GLDC: variants seen among roughly 807,000 people sequenced by gnomAD.
GLDC encodes the protein glycine decarboxylase.
A neutral mutation model predicts 121.3 loss-of-function variants in GLDC; 104 were observed. The observed-to-expected ratio is 0.86, with a 90% CI of 0.73 to 1.01. GLDC has a LOEUF of 1.01. Among genes scored for constraint, GLDC ranks in the 50% least tolerant of loss-of-function variants. The pLI is 0.00. For synonymous variants in GLDC, 546 were observed against 480.6 expected (o/e 1.14, Z -1.78); for missense variants, 1,429 against 1,306.6 (o/e 1.09, Z -1.44).
chr9:6,582,943 T>C (rs796479336), intron 15 of GLDC, among the ~76,000 whole-genome samples: 58 of 152,152 alleles, frequency 3.8e-4, no homozygotes, highest in African/African-American at 1.2e-3. Flanking sequence ...TACAAATGCA[T>C]GGTAAGCATA....
At chr9:6,565,174 C>T (rs1488348179) in intron 16 of GLDC, among the ~76,000 whole-genome samples, 180 bp downstream of exon 16, 1 of 152,192 alleles carries the variant, frequency 6.6e-6, no homozygotes, top group East Asian at 1.9e-4. Context: ...TCAAAATGGT[C>T]AAGTGGGATG....
At position 6,645,678 on chromosome 9, in the gene GLDC, GAC is replaced by G. The variant is rs1819734162; in HGVS notation, c.-181_-180del. On this transcript the variant is annotated 5_prime_UTR_variant, in exon 1 of 25. Coordinates refer to ENST00000321612, the MANE Select transcript of GLDC (RefSeq NM_000170.3). ...ATGAATGGGCGCTGCGCTCAACCAA[GAC>G]ACTCGCGCAAAGTTGTGGCTCCACC... 2 of 369,118 alleles carry G rather than the reference GAC, an allele frequency of 5.4e-6. No individual in the cohort carries two copies. The highest frequency in any genetic ancestry group is 4.5e-6 in the Non-Finnish European group (1 of 223,764). The allele number at this position is 369,118 out of a possible 1,614,324, so 22.9% of individuals were successfully genotyped here. A position where few individuals can be genotyped will look rare whatever the true frequency, so the allele number is the denominator to read the frequency against.
At chr9:6,635,639 A>G (rs1002162189) in intron 2 of GLDC, among the ~76,000 whole-genome samples, 1 of 152,112 alleles carries the variant, frequency 6.6e-6, no homozygotes, top group Non-Finnish European at 1.5e-5. Context: ...TTGGCAGACC[A>G]AAATGAGAGA....
At chr9:6,624,117 C>T (rs1017457253) in intron 2 of GLDC, among the ~76,000 whole-genome samples, 1 of 152,204 alleles carries the variant, frequency 6.6e-6, no homozygotes, top group East Asian at 1.9e-4. Context: ...GGAAAGGTCA[C>T]TGAGGGGAGA....
At chr9:6,603,886 C>T (rs892702063) in intron 7 of GLDC, among the ~76,000 whole-genome samples, 41 of 151,930 alleles carry the variant, frequency 2.7e-4, no homozygotes, top group Admixed American at 1.8e-3. Context: ...CCCACCACCA[C>T]GCCCACCTAA....
intron 15 of GLDC, among the ~76,000 whole-genome samples, chr9:6,576,586 C>CA (rs1818070013): frequency 6.6e-6 from 1 of 152,144 alleles, no homozygotes; most frequent in African/African-American, 2.4e-5. Context: ...CCTGCCTCAG[C>CA]CTCCCGAGTA....
At chr9:6,608,039 C>T (rs1364430377) in intron 4 of GLDC, among the ~76,000 whole-genome samples, 7 of 152,016 alleles carry the variant, frequency 4.6e-5, no homozygotes, top group Non-Finnish European at 1.0e-4. Context: ...AAGAGGATTA[C>T]TTGAACTGGG....
At chr9:6,556,717 C>T (rs930434400) in intron 17 of GLDC, among the ~76,000 whole-genome samples, 7 of 151,248 alleles carry the variant, frequency 4.6e-5, no homozygotes, top group East Asian at 1.9e-4. Flanking sequence ...TTGCTTGAAC[C>T]GGTGAGGTGG....
chr9:6,571,775 C>G (rs931841280), intron 15 of GLDC, among the ~76,000 whole-genome samples: 1 of 152,136 alleles, frequency 6.6e-6, no homozygotes, highest in Non-Finnish European at 1.5e-5. Flanking sequence ...AGCCAGTTGA[C>G]CATGGGTAAC....
chr9:6,553,884 C>T (rs1817564948), intron 19 of GLDC, among the ~76,000 whole-genome samples: 1 of 152,110 alleles, frequency 6.6e-6, no homozygotes, highest in African/African-American at 2.4e-5. Context: ...CATGGGCTGA[C>T]ATGAACATCA....
At chr9:6,619,733 G>C (rs756211573) in intron 3 of GLDC, among the ~76,000 whole-genome samples, 1 of 152,038 alleles carries the variant, frequency 6.6e-6, no homozygotes, top group African/African-American at 2.4e-5. Flanking sequence ...GTCTGGGCAG[G>C]GTGGTAGGCG....
chr9:6,554,698 T>A lies in GLDC; in HGVS notation c.2286A>T (p.Gly762=). ...LHKTFCIPHG[G]GGPGMGPIGV... is the part of the protein sequence containing the mutation. ...CGATGGGCCCCATGCCAGGACCACC[T>A]CCTCCGTGGGGAATGCAGAAGGTCT... is the stretch of plus-strand genomic sequence containing the variant. Residue 762 remains glycine, a synonymous_variant, in exon 19 of 25, where the codon GGA becomes GGT. Transcript: ENST00000321612. 6.2e-7 allele frequency: 1 copy of A among 1,612,246 alleles called. No homozygotes were observed. Among genetic ancestry groups the A allele is most frequent in the African/African-American group, 1.3e-5 (1 of 74,976 alleles).
intron 15 of GLDC, among the ~76,000 whole-genome samples, chr9:6,573,031 A>G (rs1311432633): frequency 6.6e-6 from 1 of 152,188 alleles, no homozygotes; most frequent in Non-Finnish European, 1.5e-5. Flanking sequence ...TCTGGCTCCA[A>G]GCAAATTATT....
chr9:6,638,977 C>T (rs1423935608), intron 2 of GLDC, among the ~76,000 whole-genome samples: 1 of 151,218 alleles, frequency 6.6e-6, no homozygotes, highest in Non-Finnish European at 1.5e-5. Context: ...CCACTGCACT[C>T]TAGCCTGGGC....
chr9:6,599,098 C>T (rs1426375005), intron 8 of GLDC, among the ~76,000 whole-genome samples: 3 of 151,544 alleles, frequency 2.0e-5, no homozygotes, highest in Non-Finnish European at 2.9e-5. Context: ...GCAGGAGTAT[C>T]GCTTGAACCC....
chr9:6,579,785 T>C (rs1221478415), intron 15 of GLDC, among the ~76,000 whole-genome samples: 2 of 152,226 alleles, frequency 1.3e-5, no homozygotes, highest in Non-Finnish European at 2.9e-5. Flanking sequence ...CCAGTGCCTA[T>C]AACGCTGGCT....
intron 7 of GLDC, 23 bp downstream of exon 7, chr9:6,604,565 T>A: frequency 6.3e-7 from 1 of 1,585,410 alleles, no homozygotes; most frequent in Non-Finnish European, 8.7e-7. Flanking sequence ...ACAATAAAAG[T>A]AGAGAAACAT....
intron 17 of GLDC, among the ~76,000 whole-genome samples, chr9:6,556,789 A>C (rs1817641101): frequency 8.1e-6 from 1 of 123,994 alleles, no homozygotes; most frequent in Non-Finnish European, 1.7e-5. Context: ...GAGAGACTCC[A>C]CGTCAAAAAA....
chr9:6,558,808 CA>C, intron 16 of GLDC, 124 bp from the exon 17 acceptor site: 1 of 1,001,672 alleles, frequency 1.0e-6, no homozygotes, highest in Non-Finnish European at 1.6e-6. Context: ...TTAGGCTGAA[CA>C]CTAGTGCTTT....
Sources: allele counts gnomAD v4.1 joint callset (sites outside exome capture counted in the v4.1 genomes callset), GRCh38; gene constraint gnomAD v4.1.1; transcripts MANE v1.5; gene names NCBI Gene and HGNC (gene_info 2026-07-23, HGNC 2026-07-21).